The following PCDH15 variants were observed in gnomAD, a reference collection of about 807,000 sequenced individuals.
PCDH15 encodes the protein protocadherin-15.
Under a neutral mutation model 178.5 loss-of-function variants are expected in PCDH15, and 129 were observed. The ratio of observed to expected loss-of-function variants is 0.72; its 90% CI spans 0.63 to 0.84. The LOEUF (loss-of-function observed/expected upper bound fraction) is 0.84, where lower values mean the gene tolerates loss of function less well. Among genes scored for constraint, PCDH15 ranks in the 40% least tolerant of loss-of-function variants. PCDH15 has a pLI of 0.00. For missense variants in PCDH15, 2,230 were observed against 2,099.9 expected, an observed-to-expected ratio of 1.06 and a Z score of -1.21; for synonymous variants, 800 against 732.0, an observed-to-expected ratio of 1.09 and a Z score of -1.50.
At chr10:54,062,243 A>AC (rs1014219278) in intron 18 of PCDH15, among the ~76,000 whole-genome samples, 5 of 143,670 alleles carry the variant, frequency 3.5e-5, no homozygotes, top group African/African-American at 1.0e-4. Flanking sequence ...AAAAAAAAAA[A>AC]AAAAAAAAAC....
chr10:55,098,593 C>T (rs1265541898), intron 2 of PCDH15, among the ~76,000 whole-genome samples: 3 of 152,004 alleles, frequency 2.0e-5, no homozygotes, highest in Non-Finnish European at 4.4e-5. Context: ...CCAAGCCACG[C>T]TTTCAGTAAG....
rs139710786 is a variant in PCDH15, at chr10:55,593,653, T to C, written c.-156+33972A>G. ...TGTTTTAGCTTTTTTTTTAACAGTATAGAAGTATTGTGTGATGACTTATCT... is the reference window on the plus strand; with the variant it reads ...TGTTTTAGCTTTTTTTTTAACAGTACAGAAGTATTGTGTGATGACTTATCT... On this transcript the variant is annotated intron_variant, in intron 2 of 5. Coordinates refer to the PCDH15 transcript ENST00000613346. Among the ~76,000 whole-genome samples the C allele has an allele frequency of 1.3e-3, 204 of 152,006 alleles. 1 individual carries two copies. The highest frequency in any genetic ancestry group is 4.7e-3 in the African/African-American group (197 of 41,554).
intron 1 of PCDH15, among the ~76,000 whole-genome samples, chr10:54,788,680 C>T (rs1182090748): frequency 1.3e-5 from 2 of 151,606 alleles, no homozygotes; most frequent in Non-Finnish European, 2.9e-5. Context: ...GAAAGTTATG[C>T]TATGTAAAAG....
chr10:55,156,298 C>T (rs1177817440), intron 2 of PCDH15, among the ~76,000 whole-genome samples: 1 of 151,978 alleles, frequency 6.6e-6, no homozygotes, highest in Non-Finnish European at 1.5e-5. Context: ...GAGATCATTG[C>T]CACACAGATA....
chr10:55,579,212 C>G (rs1842557514), intron 2 of PCDH15, among the ~76,000 whole-genome samples: 1 of 152,122 alleles, frequency 6.6e-6, no homozygotes, highest in South Asian at 2.1e-4. Flanking sequence ...GATTGTATTA[C>G]TATCACAAAT....
At chr10:55,256,444 G>A (rs1842001362) in intron 1 of PCDH15, among the ~76,000 whole-genome samples, 1 of 152,222 alleles carries the variant, frequency 6.6e-6, no homozygotes, top group South Asian at 2.1e-4. Flanking sequence ...CACCCGGGAA[G>A]TACAAGGGGT....
intron 28 of PCDH15, among the ~76,000 whole-genome samples, chr10:53,853,856 A>T (rs969133176): frequency 2.0e-5 from 3 of 152,068 alleles, no homozygotes; most frequent in Admixed American, 1.3e-4. Context: ...ACTGCTATAG[A>T]AAACAATTTT....
At chr10:54,027,261 C>T (rs1159656679) in intron 18 of PCDH15, among the ~76,000 whole-genome samples, 2 of 148,932 alleles carry the variant, frequency 1.3e-5, no homozygotes, top group African/African-American at 5.1e-5. Context: ...TCAAGGAGAA[C>T]TACAAACCAC....
At chr10:53,930,814 C>T (rs182690337) in intron 25 of PCDH15, among the ~76,000 whole-genome samples, 1 of 152,284 alleles carries the variant, frequency 6.6e-6, no homozygotes, top group Admixed American at 6.5e-5. Context: ...AACTGAACTC[C>T]CATCTCCTCA....
chr10:54,135,670 CCTT>C (rs1271832531), intron 14 of PCDH15, among the ~76,000 whole-genome samples: 2 of 152,156 alleles, frequency 1.3e-5, no homozygotes, highest in African/African-American at 2.4e-5. Flanking sequence ...TTATGAATCT[CCTT>C]CTTTTCTCTG....
chr10:53,832,095 C>T (rs1265192664), intron 29 of PCDH15, among the ~76,000 whole-genome samples: 1 of 150,920 alleles, frequency 6.6e-6, no homozygotes, highest in Non-Finnish European at 1.5e-5. Context: ...AGTTTCAAAC[C>T]AAAAGAATGT....
intron 2 of PCDH15, among the ~76,000 whole-genome samples, chr10:55,164,881 C>T (rs777535464): frequency 2.0e-5 from 3 of 152,038 alleles, no homozygotes; most frequent in Non-Finnish European, 4.4e-5. Context: ...CCTAATCCTT[C>T]AAGGAATTTC....
intron 17 of PCDH15, among the ~76,000 whole-genome samples, chr10:54,073,235 G>A (rs1223332563): frequency 2.0e-5 from 3 of 150,040 alleles, no homozygotes; most frequent in East Asian, 3.9e-4. Flanking sequence ...GTATACTATA[G>A]TATATATAAT....
chr10:55,070,005 G>A (rs1841685066), intron 2 of PCDH15, among the ~76,000 whole-genome samples: 2 of 151,986 alleles, frequency 1.3e-5, no homozygotes, highest in Non-Finnish European at 2.9e-5. Context: ...TTGTGGTTTT[G>A]ATTTGCATTT....
chr10:54,616,480 T>C (rs558447891), intron 2 of PCDH15, among the ~76,000 whole-genome samples: 6 of 152,240 alleles, frequency 3.9e-5, no homozygotes, highest in African/African-American at 1.4e-4. Flanking sequence ...TTTTTCAAAG[T>C]ATATTTTGTG....
intron 2 of PCDH15, among the ~76,000 whole-genome samples, chr10:54,903,901 G>A (rs1954679404): frequency 6.6e-6 from 1 of 151,910 alleles, no homozygotes; most frequent in Non-Finnish European, 1.5e-5. Flanking sequence ...AAAACTACAG[G>A]CTGCCAAGTC....
At chr10:54,884,136 G>C (rs144765520) in intron 3 of PCDH15, among the ~76,000 whole-genome samples, 1 of 152,052 alleles carries the variant, frequency 6.6e-6, no homozygotes, top group East Asian at 1.9e-4. Flanking sequence ...CCGGGTATCA[G>C]AGTAACAAGA....
intron 15 of PCDH15, among the ~76,000 whole-genome samples, chr10:54,105,059 T>A (rs1019588109): frequency 6.6e-6 from 1 of 151,134 alleles, no homozygotes; most frequent in Non-Finnish European, 1.5e-5. Context: ...AGGACTATCA[T>A]TGTTCACCAT....
At chr10:54,689,849 A>G (rs1190894882) in intron 1 of PCDH15, among the ~76,000 whole-genome samples, 9 of 152,130 alleles carry the variant, frequency 5.9e-5, no homozygotes, top group Non-Finnish European at 1.3e-4. Context: ...AGAAAATGTA[A>G]ATAATTCTAT....
Sources: gnomAD v4.1 joint callset for allele counts (sites outside exome capture counted in the v4.1 genomes callset) on GRCh38, gnomAD v4.1.1 for gene constraint, MANE v1.5 for transcripts, NCBI Gene and HGNC (gene_info 2026-07-23, HGNC 2026-07-21) for gene names.